ZBTB41: variants seen among roughly 807,000 people sequenced by gnomAD.
ZBTB41 encodes zinc finger and BTB domain-containing protein 41.
A neutral mutation model predicts 87.6 loss-of-function variants in ZBTB41; 42 were observed. That is an observed-to-expected ratio of 0.48 (90% CI 0.37 to 0.62). The LOEUF is 0.62. Among genes scored for constraint, ZBTB41 ranks in the 20% least tolerant of loss-of-function variants. The pLI, the probability that ZBTB41 is intolerant of heterozygous loss-of-function variation, is 0.00. For missense variants in ZBTB41, 799 were observed against 1,078.9 expected (o/e 0.74, Z 3.63); for synonymous variants, 364 against 364.0 (o/e 1.00, Z 0.00).
chr1:197,185,161 CTAT>C (rs1326150893), intron 5 of ZBTB41, among the ~76,000 whole-genome samples: 1 of 152,058 alleles, frequency 6.6e-6, no homozygotes, highest in East Asian at 1.9e-4. Flanking sequence ...TTGTTTTGAC[CTAT>C]TGTACAGCAT....
chr1:197,191,095 A>G (rs1275219787), intron 3 of ZBTB41, among the ~76,000 whole-genome samples: 1 of 152,140 alleles, frequency 6.6e-6, no homozygotes, highest in Non-Finnish European at 1.5e-5. Flanking sequence ...TTAGAGTTAA[A>G]TATATAATAC....
rs1344985250 is a variant in ZBTB41 at position 197,159,181 on chromosome 1, T to G, written c.*178A>C. 3 of 585,696 alleles carry G rather than the reference T, an allele frequency of 5.1e-6. No individual in the cohort carries two copies. The highest frequency in any genetic ancestry group is 3.7e-5 in the African/African-American group (2 of 53,940). The allele number at this position is 585,696 out of a possible 1,614,324, so 36.3% of individuals were successfully genotyped here. ...TGCACTTCAAATATTATGCCAGAAA[T>G]TTTGTCCAAATATTCATGTTCAGTA... is the stretch of plus-strand genomic sequence containing the variant. On this transcript the variant is annotated 3_prime_UTR_variant, in exon 11 of 11. Coordinates refer to ENST00000367405, the MANE Select transcript of ZBTB41 (RefSeq NM_194314.3).
rs1179438206 is a variant in ZBTB41 at position 197,190,849 on chromosome 1, A to G, written c.1329-18T>C. ...GATGAAATCTATCAGAGGAAAAGAA[A>G]AAGATTATTAGGAAAAGGTTATATT... On this transcript the variant is annotated intron_variant, in intron 3 of 10. Coordinates refer to ENST00000367405, the MANE Select transcript of ZBTB41 (RefSeq NM_194314.3). The G allele has an allele frequency of 6.7e-7, 1 of 1,492,034 alleles. No homozygotes were observed. Among genetic ancestry groups the G allele is most frequent in the East Asian group, 2.3e-5 (1 of 43,438 alleles). The allele number at this position is 1,492,034 out of a possible 1,614,324, so 92.4% of individuals were successfully genotyped here. A position where few individuals can be genotyped will look rare whatever the true frequency, so the allele number is the denominator to read the frequency against.
At position 197,172,179 on chromosome 1, in the gene ZBTB41, C is replaced by T. The variant is rs1659498467; in HGVS notation, c.2055G>A (p.Met685Ile). 7.0e-7 allele frequency: 1 copy of T among 1,428,040 alleles called. No homozygotes were observed. Among genetic ancestry groups the T allele is most frequent in the Non-Finnish European group, 9.3e-7 (1 of 1,077,312 alleles). 88.5% of individuals were successfully genotyped at this position (1,428,040 alleles called of 1,614,324 possible). A position where few individuals can be genotyped will look rare whatever the true frequency, so the allele number is the denominator to read the frequency against. ...TTTTACCTGAATGCGTTCGAAAATG[C>T]ATTTCCAGACTTGATTTGCCTTTAA... Reference protein sequence around the residue: ...KIFKGKSSLEMHFRTHSGEKP... With the variant: ...KIFKGKSSLEIHFRTHSGEKP... The change falls in exon 10 of 11, where the codon ATG (methionine) becomes ATA (isoleucine). Residue 685 changes from methionine (M) to isoleucine (I), a missense_variant. Coordinates refer to ENST00000367405, the MANE Select transcript of ZBTB41 (RefSeq NM_194314.3).
chr1:197,183,833 G>A (rs1213749948), intron 5 of ZBTB41, among the ~76,000 whole-genome samples: 3 of 152,166 alleles, frequency 2.0e-5, no homozygotes, highest in African/African-American at 7.2e-5. Context: ...CAGCATGATA[G>A]AAGAATCTCT....
At chr1:197,165,850 A>T (rs1444841758) in intron 10 of ZBTB41, among the ~76,000 whole-genome samples, 1 of 152,222 alleles carries the variant, frequency 6.6e-6, no homozygotes, top group African/African-American at 2.4e-5. Context: ...TCCCAGCAAG[A>T]TCAACGCAGA....
chr1:197,196,526 C>A (rs1660165797), intron 2 of ZBTB41, among the ~76,000 whole-genome samples: 1 of 152,136 alleles, frequency 6.6e-6, no homozygotes, highest in Admixed American at 6.5e-5. Context: ...TTTTTCATCC[C>A]TTTTTCCAAT....
intron 5 of ZBTB41, 119 bp from the exon 6 acceptor site, chr1:197,181,236 G>C: frequency 3.6e-6 from 3 of 827,604 alleles, no homozygotes; most frequent in Non-Finnish European, 5.2e-6. Flanking sequence ...ATAATACACT[G>C]CAATTTCTCT....
rs565213135 is a variant in ZBTB41 at position 197,193,378 on chromosome 1, A to C, written c.1121-1479T>G. Among the ~76,000 whole-genome samples the C allele has an allele frequency of 2.3e-4, 35 of 152,150 alleles. No homozygotes were observed. The South Asian group carries it at 6.2e-3, about 27-fold the overall frequency. ...ATGGCAAAACCCCAACTCTACAAAA[A>C]AACAAACAAAAAAAAAACCAAAAAA... On this transcript the variant is annotated intron_variant, in intron 2 of 10. Coordinates refer to ENST00000367405, the MANE Select transcript of ZBTB41 (RefSeq NM_194314.3).
intron 9 of ZBTB41, 113 bp downstream of exon 9, chr1:197,174,897 G>T: frequency 1.5e-6 from 1 of 686,648 alleles, no homozygotes; most frequent in South Asian, 2.2e-5. Flanking sequence ...AGAATGTAGA[G>T]AAAGAGAACT....
chr1:197,177,770 G>A (rs1040580323), intron 7 of ZBTB41, among the ~76,000 whole-genome samples: 4 of 152,012 alleles, frequency 2.6e-5, no homozygotes, highest in African/African-American at 4.8e-5. Flanking sequence ...CAAAATAAGT[G>A]TTGATTTTAC....
rs1557971848 is a variant in ZBTB41, at chr1:197,156,435, CAATA to C, written c.*2920_*2923del. On this transcript the variant is annotated 3_prime_UTR_variant, in exon 11 of 11. Coordinates refer to ENST00000367405, the MANE Select transcript of ZBTB41 (RefSeq NM_194314.3). ...TATCTGCTAAAAAATTAATTTAAAA[CAATA>C]AATTATGCTCACAAAATAAAAAAAT... The C allele has an allele frequency of 6.6e-6, 1 of 152,024 alleles. No individual in the cohort carries two copies. Among genetic ancestry groups the C allele is most frequent in the South Asian group, 2.1e-4 (1 of 4,832 alleles). 9.4% of individuals were successfully genotyped at this position (152,024 alleles called of 1,614,324 possible).
intron 6 of ZBTB41, among the ~76,000 whole-genome samples, chr1:197,179,332 G>C (rs1203488828): frequency 1.3e-5 from 2 of 151,994 alleles, no homozygotes; most frequent in Non-Finnish European, 2.9e-5. Context: ...TGGCATCATA[G>C]CACAATACAT....
chr1:197,160,913 A>C (rs1006806120), intron 10 of ZBTB41, among the ~76,000 whole-genome samples: 2 of 152,174 alleles, frequency 1.3e-5, no homozygotes, highest in Non-Finnish European at 1.5e-5. Context: ...ATGAGAACTC[A>C]ATCACAAATT....
chr1:197,179,147 C>A (rs1445197238), intron 6 of ZBTB41, among the ~76,000 whole-genome samples: 1 of 152,010 alleles, frequency 6.6e-6, no homozygotes, highest in Non-Finnish European at 1.5e-5. Context: ...TAATAATGAA[C>A]AAAGTTATTT....
chr1:197,189,109 A>G (rs1001005868), intron 4 of ZBTB41, among the ~76,000 whole-genome samples: 4 of 152,244 alleles, frequency 2.6e-5, no homozygotes, highest in African/African-American at 4.8e-5. Context: ...ATACTGTAAT[A>G]AATAATTAAC....
intron 5 of ZBTB41, among the ~76,000 whole-genome samples, chr1:197,186,880 A>T (rs1452316209): frequency 6.6e-6 from 1 of 152,042 alleles, no homozygotes; most frequent in Non-Finnish European, 1.5e-5. Context: ...ACAAACAAAA[A>T]AACAAAAAAA....
intron 8 of ZBTB41, among the ~76,000 whole-genome samples, chr1:197,175,683 T>TA (rs1428391671): frequency 4.6e-5 from 7 of 151,410 alleles, no homozygotes; most frequent in Non-Finnish European, 7.4e-5. Flanking sequence ...GGCTTGGTTT[T>TA]AAAAAACAAT....
In ZBTB41 at chr1:197,156,316, TA is replaced by T. The variant is rs1360875449; in HGVS notation, c.*3042del. 6.6e-6 allele frequency: 1 copy of T among 152,222 alleles called. No individual in the cohort carries two copies. The highest frequency in any genetic ancestry group is 1.9e-4 in the East Asian group (1 of 5,200). 9.4% of individuals were successfully genotyped at this position (152,222 alleles called of 1,614,324 possible). The stretch of plus-strand genomic sequence containing the variant: ...GTCTTTTAAACTATTTAATACCTAC[TA>T]AAAATCTTTGGTGCATTTAAGTCAA... On this transcript the variant is annotated 3_prime_UTR_variant, in exon 11 of 11. Coordinates refer to ENST00000367405, the MANE Select transcript of ZBTB41 (RefSeq NM_194314.3).
Sources: gnomAD v4.1 joint callset for allele counts (sites outside exome capture counted in the v4.1 genomes callset) on GRCh38, gnomAD v4.1.1 for gene constraint, MANE v1.5 for transcripts, NCBI Gene and HGNC (gene_info 2026-07-23, HGNC 2026-07-21) for gene names.